Variants in MARK1 observed in about 807,000 individuals in gnomAD.
The protein encoded by MARK1 is microtubule affinity regulating kinase 1, also known as serine/threonine-protein kinase MARK1.
MARK1 carries 40 observed loss-of-function variants against 96.3 expected under a neutral mutation model. The observed-to-expected ratio is 0.42, with a 90% CI of 0.32 to 0.54. The LOEUF is 0.54. Among genes scored for constraint, MARK1 ranks in the 20% least tolerant of loss-of-function variants. MARK1 has a pLI of 0.16. For synonymous variants in MARK1, 317 were observed against 341.2 expected, an observed-to-expected ratio of 0.93 and a Z score of 0.78; for missense variants, 719 against 984.6, an observed-to-expected ratio of 0.73 and a Z score of 3.61.
intron 9 of MARK1, chr1:220,625,647 A>C (rs1667280872): frequency 4.3e-6 from 1 of 232,670 alleles, no homozygotes; most frequent in East Asian, 1.1e-4. Flanking sequence ...AGAAAATAGA[A>C]ACCAAAAGTC....
chr1:220,630,074 C>T (rs1280929836), intron 9 of MARK1, among the ~76,000 whole-genome samples: 7 of 152,220 alleles, frequency 4.6e-5, no homozygotes, highest in African/African-American at 1.7e-4. Flanking sequence ...CAGCAGTTCA[C>T]AGGGGTTTCA....
intron 11 of MARK1, among the ~76,000 whole-genome samples, chr1:220,633,835 A>T (rs1291346246): frequency 4.6e-5 from 7 of 152,212 alleles, no homozygotes; most frequent in Non-Finnish European, 1.0e-4. Context: ...GGGAAGTTCA[A>T]TTTGAGCTGG....
intron 3 of MARK1, among the ~76,000 whole-genome samples, chr1:220,582,598 G>A (rs992835469): frequency 6.6e-6 from 1 of 152,118 alleles, no homozygotes; most frequent in Non-Finnish European, 1.5e-5. Context: ...TTTTTAAGTG[G>A]CATCTAGAAC....
At chr1:220,589,998 T>C (rs1664877077) in intron 3 of MARK1, among the ~76,000 whole-genome samples, 1 of 152,206 alleles carries the variant, frequency 6.6e-6, no homozygotes, top group Non-Finnish European at 1.5e-5. Flanking sequence ...CCCAAAGAAG[T>C]GTGAAGATTG....
At chr1:220,646,432 C>T (rs77606166) in intron 13 of MARK1, among the ~76,000 whole-genome samples, 20 of 152,176 alleles carry the variant, frequency 1.3e-4, no homozygotes, top group African/African-American at 4.8e-4. Flanking sequence ...GAAAAACATT[C>T]CACGTTCATG....
chr1:220,650,796 C>T (rs1047610196), intron 14 of MARK1, 76 bp downstream of exon 14: 2 of 994,642 alleles, frequency 2.0e-6, no homozygotes, highest in Admixed American at 1.9e-5. Context: ...TGCCTGCAGC[C>T]GAATGGGTCA....
At chr1:220,556,485 C>CAGA (rs1326514729) in intron 1 of MARK1, among the ~76,000 whole-genome samples, 10 of 85,776 alleles carry the variant, frequency 1.2e-4, no homozygotes, top group African/African-American at 4.2e-4. Context: ...GGGACTGTCA[C>CAGA]AAAAAAAAAA....
intron 9 of MARK1, among the ~76,000 whole-genome samples, chr1:220,623,166 T>C (rs1572190549): frequency 1.3e-5 from 2 of 152,288 alleles, no homozygotes; most frequent in South Asian, 2.1e-4. Flanking sequence ...CCTAGTTCTT[T>C]ATACCATGCC....
intron 6 of MARK1, among the ~76,000 whole-genome samples, chr1:220,613,311 C>G (rs533717535): frequency 1.3e-5 from 2 of 152,286 alleles, no homozygotes; most frequent in East Asian, 3.9e-4. Context: ...TGACTGATAG[C>G]TCAGAGTTCA....
chr1:220,586,644 T>C (rs1038112884), intron 3 of MARK1, among the ~76,000 whole-genome samples: 1 of 152,184 alleles, frequency 6.6e-6, no homozygotes, highest in African/African-American at 2.4e-5. Flanking sequence ...TTTTAATAGC[T>C]GCAAAGCATC....
intron 1 of MARK1, among the ~76,000 whole-genome samples, chr1:220,544,711 C>G (rs980357325): frequency 2.0e-5 from 3 of 152,148 alleles, no homozygotes; most frequent in Non-Finnish European, 4.4e-5. Flanking sequence ...ACCACTGTAT[C>G]AGGTTAGTCC....
At chr1:220,599,023 A>G (rs1665565842) in intron 4 of MARK1, among the ~76,000 whole-genome samples, 1 of 152,120 alleles carries the variant, frequency 6.6e-6, no homozygotes, top group Non-Finnish European at 1.5e-5. Flanking sequence ...TTAGGTATCT[A>G]TAAAAAAAAA....
At chr1:220,558,116 G>A (rs1662407862) in intron 1 of MARK1, among the ~76,000 whole-genome samples, 1 of 147,694 alleles carries the variant, frequency 6.8e-6, no homozygotes, top group South Asian at 2.2e-4. Context: ...CTGGGCAACA[G>A]AGTGAGACCC....
intron 13 of MARK1, among the ~76,000 whole-genome samples, chr1:220,649,879 T>C (rs535727331): frequency 6.6e-6 from 1 of 152,290 alleles, no homozygotes; most frequent in South Asian, 2.1e-4. Flanking sequence ...TTGAAAATCA[T>C]TTCTGTATAT....
chr1:220,563,541 G>A (rs1199007759), intron 1 of MARK1, among the ~76,000 whole-genome samples: 2 of 152,172 alleles, frequency 1.3e-5, no homozygotes, highest in African/African-American at 4.8e-5. Flanking sequence ...ATTTTAGATA[G>A]TAGTAAGTTA....
At position 220,592,650 on chromosome 1, in the gene MARK1, C is replaced by T. The variant is rs1223365927; in HGVS notation, c.310-5681C>T. 4.6e-5 allele frequency among the ~76,000 whole-genome samples: 7 copies of T among 152,174 alleles called. No individual in the cohort carries two copies. In the South Asian group the frequency reaches 1.2e-3, roughly 27 times the overall value. On this transcript the variant is annotated intron_variant, in intron 3 of 17. Transcript: ENST00000366917. ...TGTTGTAAATTGCTAGGGTATGGTA[C>T]TTTGTTACTCATCAATAGGAAATTA...
intron 1 of MARK1, among the ~76,000 whole-genome samples, chr1:220,546,072 C>A (rs1182383110): frequency 6.6e-6 from 1 of 152,182 alleles, no homozygotes; most frequent in Non-Finnish European, 1.5e-5. Flanking sequence ...GCAAGAACCA[C>A]CTTACCCTTG....
At chr1:220,545,439 G>GTTTTTTTTTTTTTTTTTTTTTTTTTTTT in intron 1 of MARK1, among the ~76,000 whole-genome samples, 1 of 87,260 alleles carries the variant, frequency 1.1e-5, no homozygotes, top group Non-Finnish European at 2.1e-5. Flanking sequence ...CTTTCTCATG[G>GTTTTTTTTTTTTTTTTTTTTTTTTTTTT]TTTTTTTTTT....
At position 220,528,179 on chromosome 1, in the gene MARK1, G is replaced by C. The variant is rs1660033288; in HGVS notation, c.-644G>C. On this transcript the variant is annotated 5_prime_UTR_variant, in exon 1 of 18. Coordinates refer to ENST00000366917, the MANE Select transcript of MARK1 (RefSeq NM_018650.5). ...AGTGCCTCTGGGCGCTGCGTGCCGC[G>C]CCCGCTGCTCCGCGCGCAGCCGGCT... The C allele has an allele frequency of 1.3e-5, 2 of 150,392 alleles. No homozygotes were observed. The highest frequency in any genetic ancestry group is 2.1e-4 in the South Asian group (1 of 4,836). The allele number at this position is 150,392 out of a possible 1,614,324, so 9.3% of individuals were successfully genotyped here. A position where few individuals can be genotyped will look rare whatever the true frequency, so the allele number is the denominator to read the frequency against.
Sources: gnomAD v4.1 joint callset for allele counts (sites outside exome capture counted in the v4.1 genomes callset) on GRCh38, gnomAD v4.1.1 for gene constraint, MANE v1.5 for transcripts, NCBI Gene and HGNC (gene_info 2026-07-23, HGNC 2026-07-21) for gene names.